ATP10B: variants seen among roughly 807,000 people sequenced by gnomAD.
ATP10B encodes phospholipid-transporting ATPase VB.
A neutral mutation model predicts 141.2 loss-of-function variants in ATP10B; 122 were observed. That is an observed-to-expected ratio of 0.86 (90% CI 0.75 to 1.00). The LOEUF (loss-of-function observed/expected upper bound fraction) is 1.00, where lower values mean the gene tolerates loss of function less well. Among genes scored for constraint, ATP10B ranks in the 50% least tolerant of loss-of-function variants. The pLI is 0.00. For missense variants in ATP10B, 1,876 were observed against 1,825.3 expected, an observed-to-expected ratio of 1.03 and a Z score of -0.51; for synonymous variants, 685 against 692.0, an observed-to-expected ratio of 0.99 and a Z score of 0.16.
At chr5:160,927,301 G>A in the ATP10B span, among the ~76,000 whole-genome samples, 2 of 152,148 alleles carry the variant, frequency 1.3e-5, no homozygotes, top group African/African-American at 4.8e-5. Context: ...AATTGTATTG[G>A]CATGACAAGT....
intron 9 of ATP10B, 79 bp downstream of exon 9, chr5:160,644,059 G>A: frequency 1.7e-6 from 2 of 1,166,508 alleles, no homozygotes; most frequent in Non-Finnish European, 2.6e-6. Context: ...ACAGTTGTTG[G>A]TTCCCATTGA....
intron 2 of ATP10B, among the ~76,000 whole-genome samples, chr5:160,737,253 TC>T (rs1456951169): frequency 1.3e-5 from 2 of 152,144 alleles, no homozygotes. Flanking sequence ...GGAACATACC[TC>T]AACATAATAA....
chr5:160,895,152 G>T, the ATP10B span, among the ~76,000 whole-genome samples: 1 of 152,066 alleles, frequency 6.6e-6, no homozygotes, highest in Non-Finnish European at 1.5e-5. Context: ...TCAACTCATG[G>T]ATAAAATAAG....
At chr5:160,591,167 A>G (rs367691314) in intron 22 of ATP10B, 28 bp from the exon 23 acceptor site, 11 of 1,591,074 alleles carry the variant, frequency 6.9e-6, no homozygotes, top group Non-Finnish European at 9.5e-6. Flanking sequence ...ACCAATAATT[A>G]TCACCCTTAT....
intron 1 of ATP10B, among the ~76,000 whole-genome samples, chr5:160,805,605 AGAAACCTGTCTCGCCGCCTGCCT>A (rs1243535233): frequency 6.6e-6 from 1 of 152,128 alleles, no homozygotes; most frequent in Non-Finnish European, 1.5e-5. Flanking sequence ...CTCCAGAGCC[AGAAACCTGTCTCGCCGCCTGCCT>A]GCCAGGGCCC....
intron 24 of ATP10B, among the ~76,000 whole-genome samples, chr5:160,587,915 T>C (rs536213149): frequency 7.9e-5 from 12 of 152,340 alleles, no homozygotes; most frequent in Admixed American, 7.8e-4. Flanking sequence ...CTCGGCTCAC[T>C]GCAACCTCTG....
the ATP10B span, among the ~76,000 whole-genome samples, chr5:160,867,770 T>C: frequency 4.6e-5 from 7 of 152,258 alleles, no homozygotes; most frequent in African/African-American, 1.4e-4. Context: ...AATTAGAAGT[T>C]TTAACTGTGG....
chr5:160,847,835 G>A (rs1469722984), intron 1 of ATP10B, among the ~76,000 whole-genome samples: 1 of 152,118 alleles, frequency 6.6e-6, no homozygotes, highest in Non-Finnish European at 1.5e-5. Context: ...ATTGTCCTCA[G>A]AAACCTCTGC....
At chr5:160,919,155 C>T in the ATP10B span, among the ~76,000 whole-genome samples, 7 of 129,890 alleles carry the variant, frequency 5.4e-5, no homozygotes, top group South Asian at 2.7e-4. Context: ...ACCCGGGAGG[C>T]GGAGCTTGCA....
chr5:160,730,264 G>A (rs1263503104), intron 2 of ATP10B, among the ~76,000 whole-genome samples: 1 of 152,172 alleles, frequency 6.6e-6, no homozygotes, highest in Non-Finnish European at 1.5e-5. Context: ...ATCAGGACCA[G>A]GGCTCTGCCT....
At chr5:160,761,547 C>G (rs1442087846) in intron 2 of ATP10B, among the ~76,000 whole-genome samples, 2 of 152,212 alleles carry the variant, frequency 1.3e-5, no homozygotes, top group Non-Finnish European at 2.9e-5. Flanking sequence ...AGCACCACAT[C>G]AAGGGATTGC....
the ATP10B span, among the ~76,000 whole-genome samples, chr5:160,925,520 G>C: frequency 1.3e-5 from 2 of 152,218 alleles, no homozygotes; most frequent in Non-Finnish European, 2.9e-5. Context: ...CAACCCCTTA[G>C]TCACTGTGAT....
chr5:160,604,507 A>G (rs1453324080), intron 19 of ATP10B, among the ~76,000 whole-genome samples: 1 of 152,218 alleles, frequency 6.6e-6, no homozygotes, highest in Non-Finnish European at 1.5e-5. Flanking sequence ...CAAACTTGAA[A>G]TACCATATCA....
chr5:160,907,610 T>C, the ATP10B span, among the ~76,000 whole-genome samples: 258 of 152,244 alleles, frequency 1.7e-3, 1 homozygote, highest in African/African-American at 6.1e-3. Context: ...ATCCTCTTGC[T>C]CTGGCCTCCC....
the ATP10B span, among the ~76,000 whole-genome samples, chr5:160,899,367 T>C: frequency 0.15 from 22,738 of 151,866 alleles, 1,997 homozygotes; most frequent in East Asian, 0.33. Context: ...GGAAGAAAAA[T>C]GTCGTCATGT....
At chr5:160,867,093 C>T in the ATP10B span, among the ~76,000 whole-genome samples, 2 of 151,950 alleles carry the variant, frequency 1.3e-5, no homozygotes, top group Non-Finnish European at 2.9e-5. Flanking sequence ...TTTTTTGAGC[C>T]TCAGTTTCTA....
chr5:160,650,147 C>CATACATATAT (rs1238728483), intron 7 of ATP10B, among the ~76,000 whole-genome samples: 1 of 148,926 alleles, frequency 6.7e-6, no homozygotes, highest in African/African-American at 2.5e-5. Flanking sequence ...CACACACACA[C>CATACATATAT]ATACATATAT....
At chr5:160,622,244 C>A in intron 14 of ATP10B, 150 bp downstream of exon 14, 1 of 703,116 alleles carries the variant, frequency 1.4e-6, no homozygotes, top group East Asian at 3.0e-5. Context: ...GGGTAAGAGA[C>A]CTATTCTAGG....
intron 7 of ATP10B, among the ~76,000 whole-genome samples, chr5:160,665,882 G>C (rs535553908): frequency 2.5e-4 from 38 of 152,242 alleles, no homozygotes; most frequent in South Asian, 2.1e-3. Context: ...GACTTAGAGG[G>C]AGAATAAACT....
Sources: gnomAD v4.1 joint callset for allele counts (sites outside exome capture counted in the v4.1 genomes callset) on GRCh38, gnomAD v4.1.1 for gene constraint, MANE v1.5 for transcripts, NCBI Gene and HGNC (gene_info 2026-07-23, HGNC 2026-07-21) for gene names.